Variants in WNK2 observed in about 807,000 individuals in gnomAD.
The protein encoded by WNK2 is WNK lysine deficient protein kinase 2.
WNK2 carries 67 observed loss-of-function variants against 192.1 expected under a neutral mutation model. The ratio of observed to expected loss-of-function variants is 0.35; its 90% CI spans 0.29 to 0.43. The LOEUF is 0.43. Among genes scored for constraint, WNK2 ranks in the 20% least tolerant of loss-of-function variants. The pLI is 1.00. For missense variants in WNK2, 2,698 were observed against 3,089.7 expected (o/e 0.87, Z 3.01); for synonymous variants, 1,439 against 1,393.9 (o/e 1.03, Z -0.72).
Position 93,247,214 on chromosome 9 carries a change from G to A in WNK2, c.1543-329G>A. Among the ~76,000 whole-genome samples, 1 of 152,202 alleles carries A rather than the reference G, an allele frequency of 6.6e-6. No individual in the cohort carries two copies. Among genetic ancestry groups the A allele is most frequent in the Admixed American group, 6.5e-5 (1 of 15,276 alleles). ...CACTTCTGAGTATGGAGACAATCAGGAGCCCCTTCCCGTCTGCCACCAGCC... is the reference window on the plus strand; with the variant it reads ...CACTTCTGAGTATGGAGACAATCAGAAGCCCCTTCCCGTCTGCCACCAGCC... On this transcript the variant is annotated intron_variant, in intron 7 of 29. Coordinates refer to ENST00000427277, the MANE Select transcript of WNK2 (RefSeq NM_006648.4). This position sits in a 1 kb window ranked among gnomAD's most constrained non-coding sequence, Gnocchi z 5.2.
chr9:93,302,601 A>T (rs901883264), intron 26 of WNK2, among the ~76,000 whole-genome samples: 1 of 152,184 alleles, frequency 6.6e-6, no homozygotes, highest in Middle Eastern at 3.2e-3. Flanking sequence ...GTCAGAGAAG[A>T]TGAAACGGCC....
chr9:93,208,701 TGC>T (rs55701636), intron 2 of WNK2, among the ~76,000 whole-genome samples: 1 of 626 alleles, frequency 1.6e-3, no homozygotes, highest in African/African-American at 4.6e-3. Context: ...TCTGTGTGTC[TGC>T]GTGTTCTGTG....
chr9:93,299,724 C>T (rs181957398), intron 25 of WNK2, among the ~76,000 whole-genome samples: 4 of 152,302 alleles, frequency 2.6e-5, no homozygotes, highest in Admixed American at 1.3e-4. Flanking sequence ...GAAATTCTCT[C>T]GTCAACGCTG....
chr9:93,296,636 C>T, intron 23 of WNK2, among the ~76,000 whole-genome samples: 1 of 101,480 alleles, frequency 9.9e-6, no homozygotes, highest in East Asian at 3.1e-4. Context: ...TCCTTCCCTT[C>T]CATCCTCCCC....
rs895849055 is a variant in WNK2, at chr9:93,259,164, C to T, written c.2616C>T (p.Pro872=). 6.2e-6 allele frequency: 10 copies of T among 1,612,432 alleles called. No homozygotes were observed. Among genetic ancestry groups the T allele is most frequent in the Non-Finnish European group, 7.6e-6 (9 of 1,179,686 alleles). ...PHPPGAPLAM[P]CRTIVPNAPA... ...CCCCTGGGGCGCCCCTGGCCATGCC[C>T]TGCCGGACCATTGTGCCAAATGCAC... is the stretch of plus-strand genomic sequence containing the variant. The change falls in exon 12 of 30, where the codon CCC becomes CCT. Residue 872 remains proline, a synonymous_variant. Transcript: ENST00000427277. This position sits in a 1 kb window ranked among gnomAD's most constrained non-coding sequence, Gnocchi z 4.8.
At chr9:93,205,433 C>T (rs957805871) in intron 2 of WNK2, among the ~76,000 whole-genome samples, 2 of 152,182 alleles carry the variant, frequency 1.3e-5, no homozygotes, top group East Asian at 1.9e-4. Context: ...CAGGCTTAGC[C>T]CTATCCTGGG....
chr9:93,272,770 G>C, intron 19 of WNK2, among the ~76,000 whole-genome samples: 1 of 134,092 alleles, frequency 7.5e-6, no homozygotes, highest in Non-Finnish European at 1.6e-5. Context: ...AAATAACCCG[G>C]AAGAGGAAAT....
At chr9:93,244,411 A>G (rs1256440774) in intron 7 of WNK2, among the ~76,000 whole-genome samples, 1 of 152,136 alleles carries the variant, frequency 6.6e-6, no homozygotes, top group East Asian at 1.9e-4. Flanking sequence ...TACTCTCCTG[A>G]TAATGCAATG....
chr9:93,290,009 G>C lies in WNK2; in HGVS notation c.4898G>C (p.Gly1633Ala). The part of the protein sequence containing the change: ...VEKSELAPTR[G>A]AVMEQGTSSS... ...AAGTCAGAACTGGCCCCCACTCGAG[G>C]GGCCGTGATGGAGCAGGGCACGTCC... Residue 1633 changes from glycine to alanine, a missense_variant, in exon 21 of 30, where the codon GGG (glycine) becomes GCG (alanine). Physicochemically the swap from Gly to Ala is moderately conservative, Grantham distance 60. This residue lies in a region of WNK2 where 1,098 missense variants were observed against 1,101.0 expected (regional missense o/e 1.00). Coordinates refer to ENST00000427277, the MANE Select transcript of WNK2 (RefSeq NM_006648.4). The C allele has an allele frequency of 2.5e-6, 4 of 1,578,814 alleles. No homozygotes were observed. The highest frequency in any genetic ancestry group is 3.4e-6 in the Non-Finnish European group (4 of 1,161,214).
At position 93,253,051 on chromosome 9, in the gene WNK2, C is replaced by T. The variant is rs376197419; in HGVS notation, c.2003C>T (p.Ser668Leu). ...CCCGTCCTGCCGCAGAGCCTGCCCT[C>T]GCTGGGGGCCTACCAGCAGCCCACG... is the stretch of plus-strand genomic sequence containing the variant. Reference protein sequence around the residue: ...EGPVLPQSLPSLGAYQQPTAA... With the variant: ...EGPVLPQSLPLLGAYQQPTAA... Residue 668 changes from serine (S) to leucine (L), a missense_variant, in exon 9 of 30, where the codon TCG becomes TTG. Transcript: ENST00000427277. The T allele has an allele frequency of 1.3e-5, 19 of 1,511,820 alleles. No homozygotes were observed. Among genetic ancestry groups the T allele is most frequent in the Admixed American group, 2.2e-5 (1 of 45,554 alleles). The allele number at this position is 1,511,820 out of a possible 1,614,324, so 93.7% of individuals were successfully genotyped here.
In WNK2 at chr9:93,220,229, A is replaced by G. The variant is rs141972492; in HGVS notation, c.682-9467A>G. Among the ~76,000 whole-genome samples the G allele has an allele frequency of 5.3e-3, 810 of 152,176 alleles. 7 individuals carry two copies. The highest frequency in any genetic ancestry group is 0.018 in the African/African-American group (761 of 41,492). ...GACACTGTGGGGGATGGGTGCTGCTATCTGCCCACTACACAGATGGGGAGC... is the reference window on the plus strand; with the variant it reads ...GACACTGTGGGGGATGGGTGCTGCTGTCTGCCCACTACACAGATGGGGAGC... On this transcript the variant is annotated intron_variant, in intron 2 of 29. Transcript: ENST00000427277.
intron 2 of WNK2, among the ~76,000 whole-genome samples, chr9:93,200,907 T>C (rs1225106327): frequency 2.6e-5 from 4 of 151,856 alleles, no homozygotes; most frequent in Non-Finnish European, 1.5e-5. Flanking sequence ...TAGAAACAAA[T>C]GAAACAGAAG....
intron 2 of WNK2, among the ~76,000 whole-genome samples, chr9:93,188,770 C>T (rs1829804283): frequency 1.3e-5 from 2 of 152,160 alleles, no homozygotes; most frequent in African/African-American, 4.8e-5. Flanking sequence ...GCCCAGCTAC[C>T]CTGGGGGTGC....
Position 93,259,467 on chromosome 9 carries a change from A to C in WNK2, c.2919A>C (p.Thr973=). The C allele has an allele frequency of 2.9e-6, 3 of 1,020,920 alleles. No individual in the cohort carries two copies. The highest frequency in any genetic ancestry group is 3.8e-6 in the Non-Finnish European group (3 of 790,470). The allele number at this position is 1,020,920 out of a possible 1,614,324, so 63.2% of individuals were successfully genotyped here. A position where few individuals can be genotyped will look rare whatever the true frequency, so the allele number is the denominator to read the frequency against. Residue 973 remains threonine, a synonymous_variant, in exon 12 of 30, where the codon ACA becomes ACC. Transcript: ENST00000427277. The surrounding 1 kb of genome is among the most constrained non-coding windows in gnomAD (Gnocchi z 4.8). ...PPQPVLPPQP[T]RPPQPVLPPQ... ...AACCTGTGTTGCCCCCGCAACCCAC[A>C]CGGCCCCCTCAACCTGTGCTGCCCC...
At chr9:93,210,652 A>G (rs1354212182) in intron 2 of WNK2, among the ~76,000 whole-genome samples, 1 of 152,144 alleles carries the variant, frequency 6.6e-6, no homozygotes, top group Non-Finnish European at 1.5e-5. Context: ...TCCACTCTGC[A>G]TCCCTGAGCA....
chr9:93,286,080 G>A (rs1406605121), intron 19 of WNK2, among the ~76,000 whole-genome samples: 2 of 152,146 alleles, frequency 1.3e-5, no homozygotes, highest in Non-Finnish European at 2.9e-5. Context: ...GTAATAAGAG[G>A]CAGTATCATT....
chr9:93,294,180 G>A (rs1410379040), intron 23 of WNK2, among the ~76,000 whole-genome samples: 1 of 152,172 alleles, frequency 6.6e-6, no homozygotes, highest in East Asian at 1.9e-4. Flanking sequence ...TCTCTCCTGC[G>A]AGCCCTCTCT....
intron 29 of WNK2, chr9:93,318,316 A>C (rs931912191): frequency 6.5e-7 from 1 of 1,543,330 alleles, no homozygotes; most frequent in Middle Eastern, 1.7e-4. Flanking sequence ...ACAAACATTG[A>C]ATTAGCTACC....
At chr9:93,231,274 C>G (rs941128879) in intron 4 of WNK2, among the ~76,000 whole-genome samples, 166 bp downstream of exon 4, 1 of 152,168 alleles carries the variant, frequency 6.6e-6, no homozygotes, top group African/African-American at 2.4e-5. Flanking sequence ...CCCCACCAAG[C>G]CTTTTGTAGC....
Sources: gnomAD v4.1 joint callset for allele counts (sites outside exome capture counted in the v4.1 genomes callset) on GRCh38, gnomAD v4.1.1 for gene constraint, gnomAD v4.1.1 regional missense constraint, Gnocchi (gnomAD v3.1) non-coding constraint, MANE v1.5 for transcripts, NCBI Gene and HGNC (gene_info 2026-07-23, HGNC 2026-07-21) for gene names.